The following CHD3 variants were observed in gnomAD, a reference collection of about 807,000 sequenced individuals.
CHD3 encodes the protein ATP-dependent chromatin remodeler CHD3.
Under a neutral mutation model 248.9 loss-of-function variants are expected in CHD3, and 52 were observed. That is an observed-to-expected ratio of 0.21 (90% CI 0.17 to 0.26). The LOEUF is 0.26. Ranked by LOEUF, CHD3 falls within the 10% of genes least tolerant of loss-of-function variation. The pLI is 1.00. For synonymous variants in CHD3, 985 were observed against 985.2 expected, an observed-to-expected ratio of 1.00 and a Z score of 0.00; for missense variants, 1,482 against 2,605.8, an observed-to-expected ratio of 0.57 and a Z score of 9.39.
In CHD3 at chr17:7,907,758, A is replaced by C; in HGVS notation, c.5026+56A>C. On this transcript the variant is annotated intron_variant, in intron 33 of 39. Coordinates refer to ENST00000330494, the MANE Select transcript of CHD3 (RefSeq NM_001005273.3). The surrounding 1 kb of genome is among the most constrained non-coding windows in gnomAD (Gnocchi z 4.3). ...TCCCAGAGGGCATCAGGGGAGGTGG[A>C]GTCTGGGGAACCGAATGCTTGGGTC... The C allele has an allele frequency of 6.6e-7, 1 of 1,505,730 alleles. No homozygotes were observed. Among genetic ancestry groups the C allele is most frequent in the Non-Finnish European group, 8.9e-7 (1 of 1,127,292 alleles). The allele number at this position is 1,505,730 out of a possible 1,614,324, so 93.3% of individuals were successfully genotyped here.
In CHD3 at chr17:7,905,312, C is replaced by G; in HGVS notation, c.4138+147C>G. 1.4e-6 allele frequency: 1 copy of G among 740,160 alleles called. No homozygotes were observed. Among genetic ancestry groups the G allele is most frequent in the South Asian group, 1.7e-5 (1 of 60,056 alleles). The allele number at this position is 740,160 out of a possible 1,614,324, so 45.8% of individuals were successfully genotyped here. ...AGATGAGCAGAAAGGAAGAAATATT[C>G]ATAGTCTCTCTGCTAGTAAACTTCG... On this transcript the variant is annotated intron_variant, in intron 26 of 39. Transcript: ENST00000330494. The surrounding 1 kb of genome is among the most constrained non-coding windows in gnomAD (Gnocchi z 5.8).
In CHD3 at chr17:7,906,887, A is replaced by G; in HGVS notation, c.4522A>G (p.Ile1508Val). The G allele has an allele frequency of 1.9e-6, 3 of 1,614,092 alleles. No individual in the cohort carries two copies. Among genetic ancestry groups the G allele is most frequent in the Non-Finnish European group, 2.5e-6 (3 of 1,180,002 alleles). The change falls in exon 30 of 40, where the codon ATC becomes GTC. Residue 1508 changes from isoleucine (I) to valine (V), a missense_variant. Around this residue, in one of 20 missense-constraint regions of CHD3, gnomAD observed 254 missense variants for 266.7 expected, o/e 0.95. Transcript: ENST00000330494. This position sits in a 1 kb window ranked among gnomAD's most constrained non-coding sequence, Gnocchi z 5.0. ...VKKKVQEFEH[I>V]NGRWSMPELM... ...ACCCCAGGTGCAGGAGTTTGAGCAC[A>G]TCAATGGGCGTTGGTCAATGCCGGA... is the stretch of plus-strand genomic sequence containing the variant.
rs752948131 is a variant in CHD3, at chr17:7,899,470, C to G, written c.2471C>G (p.Ala824Gly). The change falls in exon 15 of 40, where the codon GCC becomes GGC. Residue 824 changes from alanine to glycine, a missense_variant. By Grantham distance (60) the Ala-to-Gly change is moderately conservative. Transcript: ENST00000330494. The surrounding 1 kb of genome is among the most constrained non-coding windows in gnomAD (Gnocchi z 6.8). ...VTYTGDKDSRAIIRENEFSFE... is the reference protein window; with the variant it reads ...VTYTGDKDSRGIIRENEFSFE... ...TACACGGGTGACAAGGACAGCCGGG[C>G]CATCATTCGTGAGAATGAATTCTCC... 7 of 1,614,152 alleles carry G rather than the reference C, an allele frequency of 4.3e-6. No homozygotes were observed. In the South Asian group the frequency reaches 5.5e-5, roughly 13 times the overall value.
At position 7,905,894 on chromosome 17, in the gene CHD3, C is replaced by T. The variant is rs756671554; in HGVS notation, c.4263C>T (p.Leu1421=). The change falls in exon 28 of 40, where the codon CTC becomes CTT. Residue 1421 remains leucine, a synonymous_variant. Transcript: ENST00000330494. This position sits in a 1 kb window ranked among gnomAD's most constrained non-coding sequence, Gnocchi z 5.8. ...ACACCCGTCAGCGGAAGGCTTTCCTCAATGCTGTGATGCGCTGGGGGATGC... is the reference window on the plus strand; with the variant it reads ...ACACCCGTCAGCGGAAGGCTTTCCTTAATGCTGTGATGCGCTGGGGGATGC... ...GFNTRQRKAF[L]NAVMRWGMPP... The T allele has an allele frequency of 2.1e-5, 34 of 1,614,082 alleles. No individual in the cohort carries two copies. The highest frequency in any genetic ancestry group is 2.5e-5 in the Non-Finnish European group (30 of 1,180,042).
In CHD3 at chr17:7,889,213, C is replaced by A; in HGVS notation, c.100+113C>A. 7.4e-7 allele frequency: 1 copy of A among 1,354,946 alleles called. No homozygotes were observed. Among genetic ancestry groups the A allele is most frequent in the Non-Finnish European group, 1.0e-6 (1 of 975,654 alleles). The allele number at this position is 1,354,946 out of a possible 1,614,324, so 83.9% of individuals were successfully genotyped here. On this transcript the variant is annotated intron_variant, in intron 1 of 39. Coordinates refer to ENST00000330494, the MANE Select transcript of CHD3 (RefSeq NM_001005273.3). The surrounding 1 kb of genome is among the most constrained non-coding windows in gnomAD (Gnocchi z 4.5). The stretch of plus-strand genomic sequence containing the variant: ...TCCACCTTTGGCTCTCCCTCCCCAG[C>A]ATCTGGCTTAGGGAGCTGCCAGCTT...
rs1210827464 is a variant in CHD3 at position 7,910,375 on chromosome 17, C to G, written c.5591-53C>G. 3.7e-6 allele frequency: 6 copies of G among 1,611,530 alleles called. No homozygotes were observed. Among genetic ancestry groups the G allele is most frequent in the Non-Finnish European group, 5.1e-6 (6 of 1,177,914 alleles). The stretch of plus-strand genomic sequence containing the variant: ...TGCCTCTCTTTTCCTGGCTCCATCT[C>G]TGTATTTCCCTGTCTTTCTCTTGCC... On this transcript the variant is annotated intron_variant, in intron 37 of 39. Coordinates refer to ENST00000330494, the MANE Select transcript of CHD3 (RefSeq NM_001005273.3). This position sits in a 1 kb window ranked among gnomAD's most constrained non-coding sequence, Gnocchi z 4.7.
In CHD3 at chr17:7,911,553, C is replaced by T. The variant is rs1971670741; in HGVS notation, c.5971C>T (p.Arg1991Ter). 1.2e-6 allele frequency: 2 copies of T among 1,614,048 alleles called. No individual in the cohort carries two copies. The highest frequency in any genetic ancestry group is 1.3e-5 in the African/African-American group (1 of 74,936). ...VSDGLDRKEP[R>*]AGEVICIDD ...AGACGGGCTGGATCGGAAGGAGCCCCGAGCCGGGGAGGTGATCTGTATAGA... is the reference window on the plus strand; with the variant it reads ...AGACGGGCTGGATCGGAAGGAGCCCTGAGCCGGGGAGGTGATCTGTATAGA... Residue 1991 changes from arginine (R) to a stop codon, truncating the protein, a stop_gained, in exon 40 of 40, where the codon CGA becomes TGA. Coordinates refer to ENST00000330494, the MANE Select transcript of CHD3 (RefSeq NM_001005273.3). LOFTEE classifies it high-confidence loss of function. The surrounding 1 kb of genome is among the most constrained non-coding windows in gnomAD (Gnocchi z 5.4).
At chr17:7,902,907 G>A in intron 21 of CHD3, 30 bp from the exon 22 acceptor site, 2 of 1,613,084 alleles carry the variant, frequency 1.2e-6, no homozygotes, top group Non-Finnish European at 1.7e-6. Flanking sequence ...CCGGGTACAA[G>A]AAAAACCTGA....
chr17:7,890,507 T>C, intron 2 of CHD3, 64 bp from the exon 3 acceptor site: 2 of 1,156,182 alleles, frequency 1.7e-6, no homozygotes, highest in Non-Finnish European at 2.4e-6. Context: ...ATATGGTATG[T>C]GCTGAGAACA....
chr17:7,896,594 G>A (rs780898736), intron 10 of CHD3, among the ~76,000 whole-genome samples: 14 of 150,942 alleles, frequency 9.3e-5, no homozygotes, highest in Non-Finnish European at 1.8e-4. Context: ...TAGTAGAGAC[G>A]GGGTTTCTCC....
upstream of CHD3, chr17:7,885,122 G>A: frequency 1.0e-6 from 1 of 982,572 alleles, no homozygotes; most frequent in Non-Finnish European, 1.2e-6. Context: ...AGCCCGAGTG[G>A]GAGCCGCGGG....
upstream of CHD3, among the ~76,000 whole-genome samples, chr17:7,887,667 GA>G: frequency 6.6e-6 from 1 of 152,232 alleles, no homozygotes; most frequent in South Asian, 2.1e-4. Flanking sequence ...TAGAAGAAGA[GA>G]GGGGCGGGCG....
At chr17:7,891,572 A>AGAGATGGG (rs1968862235) in intron 4 of CHD3, among the ~76,000 whole-genome samples, 1 of 152,174 alleles carries the variant, frequency 6.6e-6, no homozygotes, top group African/African-American at 2.4e-5. Context: ...AGAAAATAGC[A>AGAGATGGG]GAGATGGGCC....
chr17:7,892,285 C>T (rs181125196), intron 4 of CHD3, among the ~76,000 whole-genome samples: 4 of 152,242 alleles, frequency 2.6e-5, no homozygotes, highest in East Asian at 1.9e-4. Flanking sequence ...CTCCGTCCTA[C>T]GGAAGCCCAT....
intron 20 of CHD3, 64 bp from the exon 21 acceptor site, chr17:7,902,546 G>A (rs1970441850): frequency 9.3e-7 from 1 of 1,073,394 alleles, no homozygotes; most frequent in African/African-American, 1.5e-5. Context: ...TAAAGGAGTA[G>A]TTAGAATAAG....
chr17:7,901,026 C>T (rs1970233266), intron 19 of CHD3, 33 bp downstream of exon 19: 4 of 1,600,502 alleles, frequency 2.5e-6, no homozygotes, highest in East Asian at 2.2e-5. Flanking sequence ...TGATCGAACG[C>T]CCATTCTCAG....
chr17:7,910,840 G>A lies in CHD3; in HGVS notation c.5755-7G>A. ...TAACTCCAACTTCTGCTTCCTCTCT[G>A]TTCCAGGCCTACCCGCCGGGTCCCT... On this transcript the variant is annotated splice_region_variant and splice_polypyrimidine_tract_variant and intron_variant, in intron 38 of 39. Coordinates refer to ENST00000330494, the MANE Select transcript of CHD3 (RefSeq NM_001005273.3). This position sits in a 1 kb window ranked among gnomAD's most constrained non-coding sequence, Gnocchi z 4.7. 6.3e-7 allele frequency: 1 copy of A among 1,597,630 alleles called. No individual in the cohort carries two copies. Among genetic ancestry groups the A allele is most frequent in the Non-Finnish European group, 8.5e-7 (1 of 1,174,506 alleles).
At position 7,908,657 on chromosome 17, in the gene CHD3, C is replaced by T; in HGVS notation, c.5262-40C>T. 6.2e-7 allele frequency: 1 copy of T among 1,612,338 alleles called. No individual in the cohort carries two copies. The highest frequency in any genetic ancestry group is 8.5e-7 in the Non-Finnish European group (1 of 1,178,542). On this transcript the variant is annotated intron_variant, in intron 35 of 39. Transcript: ENST00000330494. This position sits in a 1 kb window ranked among gnomAD's most constrained non-coding sequence, Gnocchi z 5.8. ...GAAGTGTTCAAAGCCAAGCCCATTC[C>T]TGTTAAATTCCTTGATGGTTCCTTT... is the stretch of plus-strand genomic sequence containing the variant.
In CHD3 at chr17:7,895,181, C is replaced by T; in HGVS notation, c.1503+31C>T. ...TGGAAACATCTCCCCTCTGTATTTA[C>T]TGTCAGGCCTGATCCCTTCCCCCAT... On this transcript the variant is annotated intron_variant, in intron 9 of 39. Coordinates refer to ENST00000330494, the MANE Select transcript of CHD3 (RefSeq NM_001005273.3). This position sits in a 1 kb window ranked among gnomAD's most constrained non-coding sequence, Gnocchi z 4.9. The T allele has an allele frequency of 6.2e-7, 1 of 1,604,386 alleles. No homozygotes were observed. Among genetic ancestry groups the T allele is most frequent in the Non-Finnish European group, 8.5e-7 (1 of 1,173,962 alleles).
Sources: allele counts gnomAD v4.1 joint callset (sites outside exome capture counted in the v4.1 genomes callset), GRCh38; gene constraint gnomAD v4.1.1; regional missense constraint gnomAD v4.1.1; non-coding constraint Gnocchi (gnomAD v3.1); transcripts MANE v1.5; gene names NCBI Gene and HGNC (gene_info 2026-07-23, HGNC 2026-07-21).